The following MSANTD2 variants were observed in gnomAD, a reference collection of about 807,000 sequenced individuals.
The protein encoded by MSANTD2 is myb/SANT-like DNA-binding domain-containing protein 2.
A neutral mutation model predicts 52.6 loss-of-function variants in MSANTD2; 19 were observed. The ratio of observed to expected loss-of-function variants is 0.36; its 90% confidence interval spans 0.25 to 0.53. MSANTD2 has a LOEUF of 0.53. Ranked by LOEUF, MSANTD2 falls within the 20% of genes least tolerant of loss-of-function variation. The pLI, the probability that MSANTD2 is intolerant of heterozygous loss-of-function variation, is 0.91. For synonymous variants in MSANTD2, 291 were observed against 289.7 expected (o/e 1.00, Z -0.04); for missense variants, 558 against 716.3 (o/e 0.78, Z 2.52).
At chr11:124,780,858 C>T (rs901269321) in intron 1 of MSANTD2, among the ~76,000 whole-genome samples, 2 of 152,136 alleles carry the variant, frequency 1.3e-5, no homozygotes, top group African/African-American at 4.8e-5. Context: ...GCCAAATTCC[C>T]GTTTCTTGAA....
intron 1 of MSANTD2, chr11:124,776,210 C>A (rs1393287414): frequency 6.6e-6 from 1 of 152,218 alleles, no homozygotes; most frequent in Non-Finnish European, 1.5e-5. Context: ...CGTGAGATTG[C>A]TCTCCATAAG....
chr11:124,790,077 G>C (rs1945283485), intron 1 of MSANTD2: 1 of 152,136 alleles, frequency 6.6e-6, no homozygotes, highest in South Asian at 2.1e-4. Context: ...ATTTTCCATA[G>C]AAAACAACTG....
At chr11:124,768,642 T>C (rs1944391171) in intron 3 of MSANTD2, among the ~76,000 whole-genome samples, 1 of 152,210 alleles carries the variant, frequency 6.6e-6, no homozygotes, top group Admixed American at 6.5e-5. Flanking sequence ...CTGAAATTCA[T>C]TACTAATCCC....
At position 124,779,974 on chromosome 11, in the gene MSANTD2, C is replaced by T. The variant is rs1944895769; in HGVS notation, c.511-5000G>A. ...TTTGTATTTTGAAGCAAGATCTTTG[C>T]AAAATAGATCTTTCTTATACCTTTA... On this transcript the variant is annotated intron_variant, in intron 1 of 3. Transcript: ENST00000374979. The surrounding 1 kb of genome is among the most constrained non-coding windows in gnomAD (Gnocchi z 4.6). Among the ~76,000 whole-genome samples the T allele has an allele frequency of 1.3e-5, 2 of 152,102 alleles. No individual in the cohort carries two copies. The highest frequency in any genetic ancestry group is 4.8e-5 in the African/African-American group (2 of 41,414).
At chr11:124,788,015 G>T (rs1318407023) in intron 1 of MSANTD2, among the ~76,000 whole-genome samples, 2 of 151,516 alleles carry the variant, frequency 1.3e-5, no homozygotes, top group South Asian at 4.2e-4. Flanking sequence ...GATCACCTGA[G>T]CCTGGGGAGG....
At chr11:124,796,191 C>T (rs1945485894) in intron 1 of MSANTD2, among the ~76,000 whole-genome samples, 1 of 152,034 alleles carries the variant, frequency 6.6e-6, no homozygotes, top group Admixed American at 6.6e-5. Context: ...AGTATTTTTA[C>T]TGTATAGATA....
chr11:124,778,041 A>G (rs1944810006), intron 1 of MSANTD2, among the ~76,000 whole-genome samples: 1 of 152,218 alleles, frequency 6.6e-6, no homozygotes, highest in South Asian at 2.1e-4. Flanking sequence ...CAATAAAGCA[A>G]AAGAGGTTAC....
chr11:124,793,084 C>T (rs1009207912), intron 1 of MSANTD2, among the ~76,000 whole-genome samples: 10 of 152,292 alleles, frequency 6.6e-5, no homozygotes, highest in African/African-American at 2.4e-4. Context: ...ATGGAGGCAA[C>T]TTGAAACCTT....
At position 124,774,946 on chromosome 11, in the gene MSANTD2, T is replaced by C. The variant is rs1428267646; in HGVS notation, c.539A>G (p.Lys180Arg). Reference sequence around the variant, plus strand: ...CTTTCTTTTCCCAACACCATGTTCTTTCACCCGACTGTAACACCTGCGAAG... The same window carrying C: ...CTTTCTTTTCCCAACACCATGTTCTCTCACCCGACTGTAACACCTGCGAAG... ...KTLRRCYSRV[K>R]EHGVGKRKSS... The change falls in exon 2 of 4, where the codon AAA becomes AGA. Residue 180 changes from lysine to arginine, a missense_variant. Lys to Arg is a conservative substitution (Grantham distance 26). Transcript: ENST00000374979. This position sits in a 1 kb window ranked among gnomAD's most constrained non-coding sequence, Gnocchi z 5.1. 3 of 1,572,918 alleles carry C rather than the reference T, an allele frequency of 1.9e-6. No individual in the cohort carries two copies. The South Asian group carries it at 3.4e-5, about 18-fold the overall frequency.
chr11:124,792,264 A>T (rs759441465), intron 1 of MSANTD2: 2 of 152,322 alleles, frequency 1.3e-5, no homozygotes, highest in Non-Finnish European at 2.9e-5. Flanking sequence ...GTTCACTATA[A>T]TGTCATCCCA....
intron 3 of MSANTD2, among the ~76,000 whole-genome samples, chr11:124,772,742 CAAAAAAAAAAA>C (rs57859579): frequency 6.9e-5 from 4 of 57,926 alleles, no homozygotes; most frequent in South Asian, 8.8e-4. Context: ...GATTCCGTCT[CAAAAAAAAAAA>C]AAAAAAAAAA....
chr11:124,772,852 G>A, intron 3 of MSANTD2, 142 bp downstream of exon 3: 1 of 616,324 alleles, frequency 1.6e-6, no homozygotes, highest in South Asian at 1.8e-5. Context: ...GTGAGTCCCT[G>A]ATTAAATCTA....
At chr11:124,799,802 C>A (rs1945629114) in intron 1 of MSANTD2, 69 bp downstream of exon 1, 6 of 1,235,082 alleles carry the variant, frequency 4.9e-6, no homozygotes, top group African/African-American at 4.7e-5. Context: ...CCGGCCCCCG[C>A]CCCCGAGGCC....
intron 1 of MSANTD2, among the ~76,000 whole-genome samples, chr11:124,799,308 C>T (rs780274198): frequency 2.6e-5 from 4 of 152,228 alleles, no homozygotes; most frequent in Non-Finnish European, 5.9e-5. Context: ...TCCAATTCTC[C>T]AAAGCATCTC....
intron 1 of MSANTD2, chr11:124,784,242 G>A (rs1033243397): frequency 1.5e-5 from 15 of 985,230 alleles, no homozygotes; most frequent in Non-Finnish European, 1.6e-5. Flanking sequence ...CTCTGAAGTT[G>A]CTAAGTCAGC....
intron 1 of MSANTD2, chr11:124,775,591 C>T (rs904361731): frequency 6.6e-6 from 1 of 152,484 alleles, no homozygotes; most frequent in Non-Finnish European, 1.5e-5. Context: ...GCTACAAATT[C>T]CAGGTCTCAA....
intron 1 of MSANTD2, among the ~76,000 whole-genome samples, chr11:124,799,653 A>G (rs1372133176): frequency 6.6e-6 from 1 of 152,194 alleles, no homozygotes; most frequent in African/African-American, 2.4e-5. Context: ...GGGCGGCGGC[A>G]GGCACGCCCA....
chr11:124,781,593 T>A (rs576500322), intron 1 of MSANTD2, among the ~76,000 whole-genome samples: 65 of 152,066 alleles, frequency 4.3e-4, no homozygotes, highest in African/African-American at 1.5e-3. Flanking sequence ...CTCAACCCAA[T>A]GGGATCACAG....
At chr11:124,789,196 C>G (rs1215576645) in intron 1 of MSANTD2, 1 of 152,072 alleles carries the variant, frequency 6.6e-6, no homozygotes, top group Non-Finnish European at 1.5e-5. Flanking sequence ...AGCTATTTCC[C>G]TTTAGAGAAA....
Sources: gnomAD v4.1 joint callset for allele counts (sites outside exome capture counted in the v4.1 genomes callset) on GRCh38, gnomAD v4.1.1 for gene constraint, Gnocchi (gnomAD v3.1) non-coding constraint, MANE v1.5 for transcripts, NCBI Gene and HGNC (gene_info 2026-07-23, HGNC 2026-07-21) for gene names.